MGAT5: variants seen among roughly 807,000 people sequenced by gnomAD.
MGAT5 encodes alpha-1,6-mannosylglycoprotein 6-beta-N-acetylglucosaminyltransferase A.
In MGAT5, 30 loss-of-function variants were observed where a neutral mutation model predicts 94.3. That is an observed-to-expected ratio of 0.32 (90% CI 0.24 to 0.43). The LOEUF (loss-of-function observed/expected upper bound fraction) is 0.43, where lower values mean the gene tolerates loss of function less well. Among genes scored for constraint, MGAT5 ranks in the 20% least tolerant of loss-of-function variants. The pLI, the probability that MGAT5 is intolerant of heterozygous loss-of-function variation, is 1.00. For missense variants in MGAT5, 691 were observed against 905.5 expected (o/e 0.76, Z 3.04); for synonymous variants, 310 against 322.9 (o/e 0.96, Z 0.43).
intron 1 of MGAT5, among the ~76,000 whole-genome samples, chr2:134,257,379 G>A (rs552636509): frequency 6.6e-5 from 10 of 152,176 alleles, no homozygotes; most frequent in African/African-American, 2.4e-4. Context: ...ACACCACCAC[G>A]CCTGCCTAAT....
chr2:134,176,652 G>T (rs1688481758), intron 1 of MGAT5, among the ~76,000 whole-genome samples: 1 of 149,040 alleles, frequency 6.7e-6, no homozygotes, highest in African/African-American at 2.5e-5. Flanking sequence ...CATTTAAAAA[G>T]TCTATAATAC....
rs34910075 is a variant in MGAT5, at chr2:134,264,021, T to TG, written c.242-6365_242-6364insG. ...TGCATTTCCTTATGCCATTAGGTTT[T>TG]TTTTTTTTTTTTTTTTTTGAGATGG... On this transcript the variant is annotated intron_variant, in intron 1 of 15. Transcript: ENST00000281923. Among the ~76,000 whole-genome samples the TG allele has an allele frequency of 3.5e-3, 486 of 137,586 alleles. 5 individuals carry two copies. Among genetic ancestry groups the TG allele is most frequent in the African/African-American group, 0.014 (463 of 33,210 alleles). The allele number at this position is 137,586 out of a possible 152,430, so 90.3% of individuals were successfully genotyped here. A position where few individuals can be genotyped will look rare whatever the true frequency, so the allele number is the denominator to read the frequency against.
chr2:134,276,837 C>T (rs1284311840), intron 2 of MGAT5, among the ~76,000 whole-genome samples: 1 of 152,068 alleles, frequency 6.6e-6, no homozygotes, highest in Non-Finnish European at 1.5e-5. Flanking sequence ...GTTCCTATGG[C>T]CCAGGGAGAA....
upstream of MGAT5, among the ~76,000 whole-genome samples, chr2:134,249,739 T>C (rs1682480883): frequency 6.6e-6 from 1 of 152,276 alleles, no homozygotes; most frequent in Non-Finnish European, 1.5e-5. Context: ...GTACAAGTTT[T>C]TGTGTAGACA....
chr2:134,255,491 AT>A (rs111778505), intron 1 of MGAT5, among the ~76,000 whole-genome samples: 362 of 148,878 alleles, frequency 2.4e-3, no homozygotes, highest in African/African-American at 8.3e-3. Context: ...ATATACATAT[AT>A]ATACACATAT....
At chr2:134,379,006 G>A (rs957416515) in intron 10 of MGAT5, among the ~76,000 whole-genome samples, 3 of 152,122 alleles carry the variant, frequency 2.0e-5, no homozygotes, top group Non-Finnish European at 4.4e-5. Context: ...TGAGGCCCCC[G>A]GCTTTCAGTG....
At chr2:134,251,879 C>T (rs1203293005), upstream of MGAT5, among the ~76,000 whole-genome samples, 3 of 152,164 alleles carry the variant, frequency 2.0e-5, no homozygotes, top group Non-Finnish European at 2.9e-5. Flanking sequence ...TACCCATTGA[C>T]CACTCCCTCC....
intron 8 of MGAT5, 68 bp downstream of exon 8, chr2:134,345,132 G>A: frequency 3.9e-6 from 6 of 1,519,678 alleles, no homozygotes; most frequent in Non-Finnish European, 5.4e-6. Context: ...GCATGGTTGT[G>A]GGTAGAAAAA....
At chr2:134,375,026 C>A (rs1443358968) in intron 10 of MGAT5, among the ~76,000 whole-genome samples, 1 of 152,162 alleles carries the variant, frequency 6.6e-6, no homozygotes, top group Non-Finnish European at 1.5e-5. Context: ...CTGGAGTTAT[C>A]CCTGCTCAGT....
chr2:134,144,180 T>G (rs1179542583), intron 1 of MGAT5, among the ~76,000 whole-genome samples: 1 of 152,120 alleles, frequency 6.6e-6, no homozygotes, highest in African/African-American at 2.4e-5. Flanking sequence ...AAGAAATACT[T>G]GAGACTGGGT....
intron 1 of MGAT5, among the ~76,000 whole-genome samples, chr2:134,188,832 T>C (rs578146725): frequency 6.6e-6 from 1 of 152,342 alleles, no homozygotes; most frequent in African/African-American, 2.4e-5. Context: ...ATTCACCCTT[T>C]TGACTGACTG....
intron 2 of MGAT5, among the ~76,000 whole-genome samples, chr2:134,298,551 G>A (rs1685828452): frequency 6.6e-6 from 1 of 152,166 alleles, no homozygotes; most frequent in Admixed American, 6.5e-5. Context: ...AGGGCAGTTA[G>A]ACACCATGCG....
chr2:134,166,830 C>T (rs555175576), intron 1 of MGAT5, among the ~76,000 whole-genome samples: 40 of 152,216 alleles, frequency 2.6e-4, no homozygotes, highest in Non-Finnish European at 4.3e-4. Flanking sequence ...CCTCAGGACC[C>T]GTAGAAAGCT....
chr2:134,268,594 T>C lies in MGAT5; in HGVS notation c.242-1792T>C, dbSNP rs1683852864. Among the ~76,000 whole-genome samples the C allele has an allele frequency of 6.6e-6, 1 of 152,226 alleles. No individual in the cohort carries two copies. Among genetic ancestry groups the C allele is most frequent in the Non-Finnish European group, 1.5e-5 (1 of 68,038 alleles). The stretch of plus-strand genomic sequence containing the variant: ...TCTCATGACCCCTTGGATAAAGCAG[T>C]GAAGCTTTGCATCACCTGAGGAGAG... On this transcript the variant is annotated intron_variant, in intron 1 of 15. Coordinates refer to ENST00000281923, the MANE Select transcript of MGAT5 (RefSeq NM_002410.5). This position sits in a 1 kb window ranked among gnomAD's most constrained non-coding sequence, Gnocchi z 4.1.
rs776695594 is a variant in MGAT5, at chr2:134,317,543, G to A, written c.421G>A (p.Ala141Thr). 1 of 1,569,046 alleles carries A rather than the reference G, an allele frequency of 6.4e-7. No individual in the cohort carries two copies. Among genetic ancestry groups the A allele is most frequent in the Non-Finnish European group, 8.6e-7 (1 of 1,159,336 alleles). ...ATTCTTCACAGATATCATTAACGGA[G>A]CTCAAGAAAAATGTGTATTGCCTCC... ...KINVADIINGAQEKCVLPPMD... is the reference protein window; with the variant it reads ...KINVADIINGTQEKCVLPPMD... Residue 141 changes from alanine to threonine, a missense_variant, in exon 3 of 16, where the codon GCT (alanine) becomes ACT (threonine). Transcript: ENST00000281923.
At chr2:134,121,364 C>A (rs1217087704) in intron 1 of MGAT5, among the ~76,000 whole-genome samples, 1 of 152,234 alleles carries the variant, frequency 6.6e-6, no homozygotes, top group African/African-American at 2.4e-5. Context: ...GTGTGTGAGC[C>A]CAGGGACGCT....
intron 1 of MGAT5, among the ~76,000 whole-genome samples, chr2:134,127,492 G>GT (rs35719992): frequency 1.4e-5 from 2 of 143,286 alleles, no homozygotes; most frequent in African/African-American, 5.2e-5. Context: ...CAAGGAAAAG[G>GT]TTTCCCCCCC....
chr2:134,387,851 A>G (rs531308835), intron 10 of MGAT5, among the ~76,000 whole-genome samples: 6 of 152,314 alleles, frequency 3.9e-5, no homozygotes, highest in Non-Finnish European at 8.8e-5. Context: ...AAGTCCAGTG[A>G]TGGGAATTTG....
At chr2:134,404,695 A>G (rs551910488) in intron 11 of MGAT5, among the ~76,000 whole-genome samples, 3 of 152,346 alleles carry the variant, frequency 2.0e-5, no homozygotes, top group Admixed American at 6.5e-5. Flanking sequence ...AGGCATTTGT[A>G]TGATGCCACA....
Sources: allele counts gnomAD v4.1 joint callset (sites outside exome capture counted in the v4.1 genomes callset), GRCh38; gene constraint gnomAD v4.1.1; non-coding constraint Gnocchi (gnomAD v3.1); transcripts MANE v1.5; gene names NCBI Gene and HGNC (gene_info 2026-07-23, HGNC 2026-07-21).